OPRD1: variants seen among roughly 807,000 people sequenced by gnomAD.
OPRD1 encodes opioid receptor delta 1, also known as delta-type opioid receptor.
OPRD1 carries 19 observed loss-of-function variants against 17.5 expected under a neutral mutation model. The ratio of observed to expected loss-of-function variants is 1.09; its 90% CI spans 0.76 to 1.60. The LOEUF (loss-of-function observed/expected upper bound fraction) is 1.60, where lower values mean the gene tolerates loss of function less well. Ranked by LOEUF, OPRD1 falls within the 40% of genes most tolerant of loss-of-function variation. OPRD1 has a pLI of 0.00. For missense variants in OPRD1, 483 were observed against 547.2 expected (o/e 0.88, Z 1.17); for synonymous variants, 256 against 240.9 (o/e 1.06, Z -0.58).
At chr1:28,841,531 A>C (rs2088896612) in intron 1 of OPRD1, among the ~76,000 whole-genome samples, 1 of 152,198 alleles carries the variant, frequency 6.6e-6, no homozygotes, top group South Asian at 2.1e-4. Flanking sequence ...TGAGGCTGAG[A>C]TGAAATCCTG....
chr1:28,817,354 A>G (rs929467177), intron 1 of OPRD1, among the ~76,000 whole-genome samples: 1 of 152,128 alleles, frequency 6.6e-6, no homozygotes, highest in South Asian at 2.1e-4. Flanking sequence ...TGACTGCAGC[A>G]CCCAGCAGGG....
intron 1 of OPRD1, among the ~76,000 whole-genome samples, chr1:28,816,102 G>A (rs2088669900): frequency 6.6e-6 from 1 of 152,136 alleles, no homozygotes; most frequent in Non-Finnish European, 1.5e-5. Context: ...TCTGTGTGAA[G>A]GACTGAAAAG....
chr1:28,827,184 T>C (rs1360126566), intron 1 of OPRD1, among the ~76,000 whole-genome samples: 1 of 152,166 alleles, frequency 6.6e-6, no homozygotes, highest in Non-Finnish European at 1.5e-5. Context: ...TAGTCCCAGC[T>C]ACTAGGGAGG....
intron 1 of OPRD1, among the ~76,000 whole-genome samples, chr1:28,853,271 G>A (rs747026576): frequency 2.6e-4 from 39 of 152,180 alleles, no homozygotes; most frequent in African/African-American, 8.7e-4. Flanking sequence ...GTGATGTGTC[G>A]CCACTGGACT....
intron 2 of OPRD1, among the ~76,000 whole-genome samples, chr1:28,859,598 A>G (rs1225995773): frequency 6.6e-6 from 1 of 152,168 alleles, no homozygotes; most frequent in Non-Finnish European, 1.5e-5. Flanking sequence ...GTATGAATTT[A>G]TGAAGGAGAT....
intron 1 of OPRD1, among the ~76,000 whole-genome samples, chr1:28,827,996 A>G (rs1479210447): frequency 6.6e-6 from 1 of 152,040 alleles, no homozygotes; most frequent in African/African-American, 2.4e-5. Flanking sequence ...TCAGCCTCCC[A>G]AAGTACTGGG....
In OPRD1 at chr1:28,866,921, T is replaced by C. The variant is rs2089179183; in HGVS notation, c.*3638T>C. 6.6e-6 allele frequency: 1 copy of C among 152,016 alleles called. No individual in the cohort carries two copies. Among genetic ancestry groups the C allele is most frequent in the African/African-American group, 2.4e-5 (1 of 41,384 alleles). The allele number at this position is 152,016 out of a possible 1,614,324, so 9.4% of individuals were successfully genotyped here. A position where few individuals can be genotyped will look rare whatever the true frequency, so the allele number is the denominator to read the frequency against. On this transcript the variant is annotated 3_prime_UTR_variant, in exon 3 of 3. Transcript: ENST00000234961. ...CTGTTTCCCCCAAAATTTCCATTTA[T>C]CTCCCTCCAGGAGGAGGGAGGGAAG...
At chr1:28,812,928 GAGTGGAT>G (rs1260166574) in intron 1 of OPRD1, among the ~76,000 whole-genome samples, 1 of 152,190 alleles carries the variant, frequency 6.6e-6, no homozygotes, top group Non-Finnish European at 1.5e-5. Context: ...CACAGTTTGT[GAGTGGAT>G]GGTTGTGACA....
In OPRD1 at chr1:28,859,042, A is replaced by G. The variant is rs767286728; in HGVS notation, c.316A>G (p.Ser106Gly). ...GGCCACCAGCACGCTGCCTTTCCAGAGTGCCAAGTACCTGATGGAGACGTG... is the reference window on the plus strand; with the variant it reads ...GGCCACCAGCACGCTGCCTTTCCAGGGTGCCAAGTACCTGATGGAGACGTG... ...ALATSTLPFQ[S>G]AKYLMETWPF... The change falls in exon 2 of 3, where the codon AGT becomes GGT. Residue 106 changes from serine to glycine, a missense_variant. Transcript: ENST00000234961. 15 of 1,614,074 alleles carry G rather than the reference A, an allele frequency of 9.3e-6. No individual in the cohort carries two copies. The South Asian group carries it at 1.5e-4, about 17-fold the overall frequency.
intron 1 of OPRD1, among the ~76,000 whole-genome samples, chr1:28,815,683 C>A (rs1252088977): frequency 6.6e-6 from 1 of 152,218 alleles, no homozygotes; most frequent in African/African-American, 2.4e-5. Context: ...CCTCGAGCTG[C>A]GCTCCATCTG....
intron 1 of OPRD1, among the ~76,000 whole-genome samples, chr1:28,820,508 A>C (rs1257390906): frequency 6.6e-6 from 1 of 151,154 alleles, no homozygotes; most frequent in East Asian, 2.0e-4. Context: ...AGTGGGTGGT[A>C]TAGGGAAACT....
chr1:28,826,985 G>A (rs893139570), intron 1 of OPRD1, among the ~76,000 whole-genome samples: 1 of 152,166 alleles, frequency 6.6e-6, no homozygotes, highest in African/African-American at 2.4e-5. Flanking sequence ...TTCACCAGGA[G>A]TAAATTCCAT....
At chr1:28,846,036 G>A (rs546297152) in intron 1 of OPRD1, among the ~76,000 whole-genome samples, 1 of 152,250 alleles carries the variant, frequency 6.6e-6, no homozygotes, top group East Asian at 1.9e-4. Context: ...TAGCCCAAAG[G>A]CCCTGTGTGA....
chr1:28,840,049 G>A (rs939421486), intron 1 of OPRD1, among the ~76,000 whole-genome samples: 1 of 152,194 alleles, frequency 6.6e-6, no homozygotes, highest in Non-Finnish European at 1.5e-5. Context: ...TCTGAGCCTG[G>A]CCCTGTGCTG....
intron 1 of OPRD1, among the ~76,000 whole-genome samples, chr1:28,846,591 G>A (rs1207615745): frequency 1.3e-5 from 2 of 151,824 alleles, no homozygotes; most frequent in African/African-American, 4.8e-5. Flanking sequence ...GCTGAGGCAC[G>A]AGAATCGCTT....
chr1:28,816,335 C>T (rs1394064928), intron 1 of OPRD1, among the ~76,000 whole-genome samples: 6 of 151,748 alleles, frequency 4.0e-5, no homozygotes, highest in Non-Finnish European at 5.9e-5. Flanking sequence ...CTCAGCTGGG[C>T]GGAGAGATCA....
At position 28,852,487 on chromosome 1, in the gene OPRD1, T is replaced by C. The variant is rs569940798; in HGVS notation, c.228-6467T>C. On this transcript the variant is annotated intron_variant, in intron 1 of 2. Coordinates refer to ENST00000234961, the MANE Select transcript of OPRD1 (RefSeq NM_000911.4). The stretch of plus-strand genomic sequence containing the variant: ...GTCGTAAGAATGTAAACCCTAAATA[T>C]TGAGTTAGCTAAAAATGGTGATAAA... 3.9e-5 allele frequency among the ~76,000 whole-genome samples: 6 copies of C among 152,222 alleles called. No homozygotes were observed. In the South Asian group the frequency reaches 1.2e-3, roughly 32 times the overall value.
chr1:28,848,883 C>T (rs1322668440), intron 1 of OPRD1, among the ~76,000 whole-genome samples: 4 of 152,100 alleles, frequency 2.6e-5, no homozygotes, highest in East Asian at 3.9e-4. Flanking sequence ...GGAATGACAG[C>T]AGGGGTGAGG....
At chr1:28,844,716 C>A (rs1263067503) in intron 1 of OPRD1, among the ~76,000 whole-genome samples, 1 of 151,998 alleles carries the variant, frequency 6.6e-6, no homozygotes, top group East Asian at 1.9e-4. Context: ...CATGAGTGAC[C>A]TTTTCATTCT....
Sources: gnomAD v4.1 joint callset for allele counts (sites outside exome capture counted in the v4.1 genomes callset) on GRCh38, gnomAD v4.1.1 for gene constraint, MANE v1.5 for transcripts, NCBI Gene and HGNC (gene_info 2026-07-23, HGNC 2026-07-21) for gene names.